Variants in UNC5C observed in about 807,000 individuals in gnomAD.
UNC5C encodes the protein unc-5 netrin receptor C.
UNC5C carries 47 observed loss-of-function variants against 99.8 expected under a neutral mutation model. The ratio of observed to expected loss-of-function variants is 0.47; its 90% CI spans 0.37 to 0.60. UNC5C has a LOEUF of 0.60. Ranked by LOEUF, UNC5C falls within the 20% of genes least tolerant of loss-of-function variation. The probability of loss-of-function intolerance (pLI) is 0.00; values close to 1 mark genes in which losing one functional copy is unlikely to be tolerated. For missense variants in UNC5C, 1,062 were observed against 1,165.9 expected (o/e 0.91, Z 1.30); for synonymous variants, 487 against 452.2 (o/e 1.08, Z -0.98).
At chr4:95,212,618 C>G (rs1738110922) in intron 10 of UNC5C, among the ~76,000 whole-genome samples, 1 of 152,140 alleles carries the variant, frequency 6.6e-6, no homozygotes, top group Admixed American at 6.5e-5. Flanking sequence ...TCTGCATTTT[C>G]TCGGCTGGAG....
In UNC5C at chr4:95,250,677, A is replaced by C. The variant is rs1207637267; in HGVS notation, c.595-10T>G. On this transcript the variant is annotated splice_polypyrimidine_tract_variant and intron_variant, in intron 4 of 15. Transcript: ENST00000453304. ...TTTTCAACCATTCCACCTAAAGATA[A>C]ATGAGAAAAGTAGATAAATCCTCAG... The C allele has an allele frequency of 2.5e-6, 4 of 1,612,822 alleles. No individual in the cohort carries two copies. The highest frequency in any genetic ancestry group is 1.3e-5 in the African/African-American group (1 of 74,812).
At chr4:95,411,087 T>C (rs1346985718) in intron 1 of UNC5C, among the ~76,000 whole-genome samples, 2 of 152,146 alleles carry the variant, frequency 1.3e-5, no homozygotes, top group African/African-American at 4.8e-5. Context: ...GAAATTATTT[T>C]CTTATCTGTT....
chr4:95,453,736 A>T (rs1578172342), intron 1 of UNC5C, among the ~76,000 whole-genome samples: 1 of 152,088 alleles, frequency 6.6e-6, no homozygotes, highest in African/African-American at 2.4e-5. Context: ...TAAGCAGATC[A>T]TTACAGTAGA....
At chr4:95,173,554 C>T (rs1233416930) in intron 14 of UNC5C, among the ~76,000 whole-genome samples, 1,042 of 119,364 alleles carry the variant, frequency 8.7e-3, no homozygotes, top group East Asian at 0.015. Flanking sequence ...TATTGATTTG[C>T]GTATATTGAA....
chr4:95,328,062 A>ATTTTTTT (rs71583698), intron 2 of UNC5C, among the ~76,000 whole-genome samples: 11 of 86,668 alleles, frequency 1.3e-4, no homozygotes, highest in Non-Finnish European at 2.2e-4. Context: ...TTTTTTTTTA[A>ATTTTTTT]TTTTTTTTTT....
intron 1 of UNC5C, among the ~76,000 whole-genome samples, chr4:95,413,343 A>G (rs1347356733): frequency 6.6e-6 from 1 of 152,120 alleles, no homozygotes; most frequent in African/African-American, 2.4e-5. Flanking sequence ...GTGCTGACCT[A>G]TATTTCCCTG....
intron 1 of UNC5C, among the ~76,000 whole-genome samples, chr4:95,393,879 GC>G (rs1745434360): frequency 6.9e-6 from 1 of 144,418 alleles, no homozygotes; most frequent in Non-Finnish European, 1.5e-5. Context: ...AAAACAGATT[GC>G]TATAAATCTC....
At chr4:95,316,786 T>G (rs557841430) in intron 2 of UNC5C, among the ~76,000 whole-genome samples, 1 of 152,106 alleles carries the variant, frequency 6.6e-6, no homozygotes, top group Non-Finnish European at 1.5e-5. Flanking sequence ...TAAATGTCAA[T>G]CCATCCCACC....
intron 2 of UNC5C, among the ~76,000 whole-genome samples, chr4:95,305,166 A>G (rs561146667): frequency 1.1e-4 from 16 of 152,320 alleles, no homozygotes; most frequent in African/African-American, 3.6e-4. Context: ...TACATAGCCC[A>G]AAGTTTACAT....
At chr4:95,309,725 G>A (rs549288432) in intron 2 of UNC5C, among the ~76,000 whole-genome samples, 1 of 152,154 alleles carries the variant, frequency 6.6e-6, no homozygotes, top group South Asian at 2.1e-4. Flanking sequence ...AAAACAATGA[G>A]ATATCACCTC....
intron 4 of UNC5C, among the ~76,000 whole-genome samples, chr4:95,273,259 G>A (rs908761173): frequency 6.6e-6 from 1 of 152,150 alleles, no homozygotes; most frequent in Non-Finnish European, 1.5e-5. Context: ...ATTATAATTA[G>A]AGAAGCAATT....
intron 2 of UNC5C, among the ~76,000 whole-genome samples, chr4:95,324,840 G>A (rs911486361): frequency 1.6e-4 from 24 of 152,126 alleles, no homozygotes; most frequent in Non-Finnish European, 2.9e-5. Context: ...CTGGATCTTG[G>A]ATTTCCCAGC....
At chr4:95,246,640 A>ATAAT (rs1560751463) in intron 5 of UNC5C, among the ~76,000 whole-genome samples, 1 of 151,826 alleles carries the variant, frequency 6.6e-6, no homozygotes, top group African/African-American at 2.4e-5. Flanking sequence ...CATAATGTAT[A>ATAAT]TGTATATAAT....
intron 1 of UNC5C, among the ~76,000 whole-genome samples, chr4:95,519,599 C>G (rs1365042769): frequency 6.6e-6 from 1 of 151,890 alleles, no homozygotes; most frequent in Non-Finnish European, 1.5e-5. Context: ...GACTGGAACT[C>G]ATTGGACTAA....
intron 3 of UNC5C, among the ~76,000 whole-genome samples, chr4:95,292,947 G>C (rs543783595): frequency 6.6e-6 from 1 of 152,254 alleles, no homozygotes; most frequent in Non-Finnish European, 1.5e-5. Context: ...ATGGCAGATG[G>C]TTAACTCAAA....
intron 2 of UNC5C, among the ~76,000 whole-genome samples, chr4:95,333,419 T>C (rs1370934142): frequency 6.6e-6 from 1 of 152,062 alleles, no homozygotes; most frequent in Non-Finnish European, 1.5e-5. Flanking sequence ...ATGTCATTTG[T>C]AGGGACATGG....
At chr4:95,380,491 G>T (rs1745039437) in intron 1 of UNC5C, among the ~76,000 whole-genome samples, 2 of 148,460 alleles carry the variant, frequency 1.3e-5, no homozygotes, top group Non-Finnish European at 3.0e-5. Flanking sequence ...TGTTGCCCAG[G>T]CTGGTCTCGA....
chr4:95,311,080 G>T (rs1742259557), intron 2 of UNC5C, among the ~76,000 whole-genome samples: 1 of 151,844 alleles, frequency 6.6e-6, no homozygotes, highest in Admixed American at 6.6e-5. Flanking sequence ...TTGAATGGTG[G>T]GTGTGCAAAA....
At position 95,164,256 on chromosome 4, in the gene UNC5C, A is replaced by G. The variant is rs1735780918; in HGVS notation, c.*4978T>C. On this transcript the variant is annotated 3_prime_UTR_variant, in exon 16 of 16. Transcript: ENST00000453304. ...ACACTAGAATTCTGGAAATGACTTC[A>G]TTTGGCTTTCCTGGCCTGTATGGAT... 2.0e-5 allele frequency: 3 copies of G among 152,228 alleles called. No individual in the cohort carries two copies. Among genetic ancestry groups the G allele is most frequent in the African/African-American group, 7.2e-5 (3 of 41,464 alleles). 9.4% of individuals were successfully genotyped at this position (152,228 alleles called of 1,614,324 possible). A position where few individuals can be genotyped will look rare whatever the true frequency, so the allele number is the denominator to read the frequency against.
Sources: allele counts gnomAD v4.1 joint callset (sites outside exome capture counted in the v4.1 genomes callset), GRCh38; gene constraint gnomAD v4.1.1; transcripts MANE v1.5; gene names NCBI Gene and HGNC (gene_info 2026-07-23, HGNC 2026-07-21).